PRKCH: variants seen among roughly 807,000 people sequenced by gnomAD.
PRKCH encodes the protein protein kinase C eta type.
Under a neutral mutation model 82.5 loss-of-function variants are expected in PRKCH, and 28 were observed. The ratio of observed to expected loss-of-function variants is 0.34; its 90% CI spans 0.25 to 0.47. PRKCH has a LOEUF of 0.47. Ranked by LOEUF, PRKCH falls within the 20% of genes least tolerant of loss-of-function variation. The probability of loss-of-function intolerance (pLI) is 1.00; values close to 1 mark genes in which losing one functional copy is unlikely to be tolerated. For missense variants in PRKCH, 705 were observed against 881.8 expected, an observed-to-expected ratio of 0.80 and a Z score of 2.54; for synonymous variants, 322 against 327.4, an observed-to-expected ratio of 0.98 and a Z score of 0.18.
At position 61,547,910 on chromosome 14, in the gene PRKCH, A is replaced by AGACATTCCTTTCTTCAGATGTCACAGC. The variant is rs764326129; in HGVS notation, c.1905+25_1905+51dup. On this transcript the variant is annotated intron_variant, in intron 13 of 13. Transcript: ENST00000332981. ...TCGTAAGTGTCCCAGGCTGTCACAG[A>AGACATTCCTTTCTTCAGATGTCACAGC]GACATTCCTTTCTTCAGATGTCACA... The AGACATTCCTTTCTTCAGATGTCACAGC allele has an allele frequency of 3.7e-6, 6 of 1,608,272 alleles. No individual in the cohort carries two copies. In the South Asian group the frequency reaches 6.6e-5, roughly 18 times the overall value.
intron 1 of PRKCH, among the ~76,000 whole-genome samples, chr14:61,265,320 A>C (rs1308608464): frequency 6.6e-6 from 1 of 152,140 alleles, no homozygotes; most frequent in Non-Finnish European, 1.5e-5. Context: ...GTCTCTACAA[A>C]AAATACAAAA....
upstream of PRKCH, among the ~76,000 whole-genome samples, chr14:61,319,244 CAGG>C (rs1029485092): frequency 6.6e-6 from 1 of 152,234 alleles, no homozygotes; most frequent in African/African-American, 2.4e-5. Context: ...TCTGTCTCCT[CAGG>C]AGCTCTCAAT....
At chr14:61,210,111 A>AATATATATATAT (rs60055073) in intron 1 of PRKCH, among the ~76,000 whole-genome samples, 13 of 87,382 alleles carry the variant, frequency 1.5e-4, no homozygotes, top group Non-Finnish European at 1.7e-4. Flanking sequence ...CAAACAAACA[A>AATATATATATAT]ATATATATAT....
intron 1 of PRKCH, among the ~76,000 whole-genome samples, chr14:61,381,158 A>C (rs2046504263): frequency 6.6e-6 from 1 of 152,174 alleles, no homozygotes. Context: ...TGTTTTTGAG[A>C]TGCCGAAGCC....
intron 2 of PRKCH, among the ~76,000 whole-genome samples, chr14:61,412,938 C>T (rs1188665601): frequency 1.3e-5 from 2 of 152,102 alleles, no homozygotes; most frequent in African/African-American, 4.8e-5. Flanking sequence ...TGGATCCATC[C>T]TCTCTGGCCT....
chr14:61,493,085 A>G (rs1375311666), intron 10 of PRKCH, among the ~76,000 whole-genome samples: 2 of 152,210 alleles, frequency 1.3e-5, no homozygotes, highest in East Asian at 1.9e-4. Context: ...GAAATGAAGT[A>G]TTAAGCACTT....
At chr14:61,293,811 A>G (rs750055351) in intron 1 of PRKCH, among the ~76,000 whole-genome samples, 2 of 152,246 alleles carry the variant, frequency 1.3e-5, no homozygotes, top group Non-Finnish European at 1.5e-5. Flanking sequence ...TCTGAACTTC[A>G]GTACTTCTCC....
chr14:61,447,156 AAG>A (rs1354840083), intron 4 of PRKCH, among the ~76,000 whole-genome samples: 2 of 152,248 alleles, frequency 1.3e-5, no homozygotes, highest in African/African-American at 4.8e-5. Context: ...ATCAGGAATA[AAG>A]AGGGGACAAC....
chr14:61,295,075 A>G (rs1313715081), intron 1 of PRKCH, among the ~76,000 whole-genome samples: 1 of 152,152 alleles, frequency 6.6e-6, no homozygotes, highest in East Asian at 1.9e-4. Context: ...CATGTTGGCC[A>G]GGCTGGTCTC....
intron 1 of PRKCH, among the ~76,000 whole-genome samples, chr14:61,247,145 A>ATCCTCCCC (rs2044892383): frequency 1.3e-5 from 2 of 152,206 alleles, no homozygotes; most frequent in Non-Finnish European, 2.9e-5. Context: ...ATAATCAATA[A>ATCCTCCCC]TCCTCCCCAA....
intron 10 of PRKCH, among the ~76,000 whole-genome samples, chr14:61,501,703 CATTTATTGACTA>C (rs1007391838): frequency 3.9e-5 from 6 of 152,118 alleles, no homozygotes; most frequent in Admixed American, 3.9e-4. Context: ...AACACAGTAT[CATTTATTGACTA>C]AAGAGCAGTG....
intron 9 of PRKCH, among the ~76,000 whole-genome samples, chr14:61,466,757 G>A (rs1465762178): frequency 2.0e-5 from 3 of 152,142 alleles, no homozygotes; most frequent in Non-Finnish European, 4.4e-5. Context: ...TTTCAGGTGG[G>A]CCACAGGACG....
intron 1 of PRKCH, among the ~76,000 whole-genome samples, chr14:61,342,502 C>T (rs1157561602): frequency 6.6e-6 from 1 of 152,154 alleles, no homozygotes; most frequent in Non-Finnish European, 1.5e-5. Flanking sequence ...TTGGTTCGGA[C>T]ACTGAATTGT....
chr14:61,389,065 A>G (rs1319143505), intron 1 of PRKCH, among the ~76,000 whole-genome samples: 1 of 152,224 alleles, frequency 6.6e-6, no homozygotes, highest in African/African-American at 2.4e-5. Flanking sequence ...TTAAAAAAGT[A>G]AACAGTACTG....
intron 12 of PRKCH, among the ~76,000 whole-genome samples, chr14:61,537,000 C>T (rs758628179): frequency 1.3e-5 from 2 of 152,092 alleles, no homozygotes; most frequent in African/African-American, 4.8e-5. Flanking sequence ...TCAGTGGGTG[C>T]GGGGGTAGCT....
chr14:61,291,015 G>C (rs781762394), intron 1 of PRKCH, among the ~76,000 whole-genome samples: 3 of 151,970 alleles, frequency 2.0e-5, no homozygotes, highest in Non-Finnish European at 2.9e-5. Flanking sequence ...AGAAAGGACT[G>C]TCTGTCTGTG....
At chr14:61,424,992 G>C (rs1378064272) in intron 2 of PRKCH, among the ~76,000 whole-genome samples, 1 of 152,254 alleles carries the variant, frequency 6.6e-6, no homozygotes, top group African/African-American at 2.4e-5. Flanking sequence ...ATGTGGTGTT[G>C]GGCCTGCAGG....
rs183241565 is a variant in PRKCH, at chr14:61,223,403, T to G, written c.-19+35735T>G. Among the ~76,000 whole-genome samples, 283 of 152,342 alleles carry G rather than the reference T, an allele frequency of 1.9e-3. 5 individuals carry two copies. In the Middle Eastern group the frequency reaches 0.034, roughly 18 times the overall value. ...AGTGTTTCCCTATAATCAAGTTCTT[T>G]AGCTTCTAGGTAGACTAAAGTGTCT... On this transcript the variant is annotated intron_variant, in intron 1 of 3. Transcript: ENST00000555185.
chr14:61,341,566 G>A lies in PRKCH; in HGVS notation c.363+19102G>A, dbSNP rs1211372792. On this transcript the variant is annotated intron_variant, in intron 1 of 13. Coordinates refer to ENST00000332981, the MANE Select transcript of PRKCH (RefSeq NM_006255.5). ...AAGGAGCTCTCCCTGTAGTGAGGGA[G>A]GCAGCAGAAACCCACAGTTTCATCA... is the stretch of plus-strand genomic sequence containing the variant. Among the ~76,000 whole-genome samples the A allele has an allele frequency of 2.0e-5, 3 of 152,258 alleles. No homozygotes were observed. In the East Asian group the frequency reaches 5.8e-4, roughly 29 times the overall value.
Sources: gnomAD v4.1 joint callset for allele counts (sites outside exome capture counted in the v4.1 genomes callset) on GRCh38, gnomAD v4.1.1 for gene constraint, MANE v1.5 for transcripts, NCBI Gene and HGNC (gene_info 2026-07-23, HGNC 2026-07-21) for gene names.